Variants in SHPK observed in about 807,000 individuals in gnomAD.
SHPK encodes the protein sedoheptulokinase.
A neutral mutation model predicts 46.3 loss-of-function variants in SHPK; 51 were observed. The observed-to-expected ratio is 1.10, with a 90% CI of 0.88 to 1.39. The LOEUF is 1.39. SHPK is among the 40% of genes most tolerant of loss of function. The pLI, the probability that SHPK is intolerant of heterozygous loss-of-function variation, is 0.00. For synonymous variants in SHPK, 290 were observed against 273.9 expected (o/e 1.06, Z -0.58); for missense variants, 668 against 641.3 (o/e 1.04, Z -0.45).
intron 1 of SHPK, among the ~76,000 whole-genome samples, chr17:3,634,308 A>T (rs1347362213): frequency 2.0e-5 from 3 of 151,672 alleles, no homozygotes; most frequent in Non-Finnish European, 4.4e-5. Flanking sequence ...GGTGGCTCAC[A>T]CCTGTAATCC....
intron 5 of SHPK, among the ~76,000 whole-genome samples, chr17:3,620,650 C>T (rs1379043394): frequency 2.0e-5 from 3 of 151,876 alleles, no homozygotes; most frequent in African/African-American, 7.3e-5. Flanking sequence ...AAACCTCCGC[C>T]TCCCGGGTTC....
intron 5 of SHPK, 45 bp from the exon 6 acceptor site, chr17:3,615,582 A>G (rs1166222248): frequency 6.4e-7 from 1 of 1,558,232 alleles, no homozygotes; most frequent in African/African-American, 1.4e-5. Context: ...GGGCTAACTC[A>G]GAGGTCACAA....
intron 1 of SHPK, among the ~76,000 whole-genome samples, chr17:3,632,915 A>G (rs1022632521): frequency 6.6e-6 from 1 of 151,920 alleles, no homozygotes; most frequent in Admixed American, 6.6e-5. Flanking sequence ...TGGTATAGCT[A>G]ATACTTATGA....
Position 3,630,265 on chromosome 17 carries a change from C to T in SHPK, c.250G>A (p.Val84Ile), listed in dbSNP as rs373376728. 2.8e-5 allele frequency: 45 copies of T among 1,613,840 alleles called. No individual in the cohort carries two copies. Among genetic ancestry groups the T allele is most frequent in the Middle Eastern group, 1.6e-4 (1 of 6,062 alleles). Residue 84 changes from valine to isoleucine, a missense_variant, in exon 2 of 7, where the codon GTC becomes ATC. By Grantham distance (29) the Val-to-Ile change is conservative (BLOSUM62 3). Transcript: ENST00000225519. Reference protein sequence around the residue: ...AALPRPQLRSVVGIGVSGQMH... With the variant: ...AALPRPQLRSIVGIGVSGQMH... ...TGGCCCGACACCCCGATGCCCACGA[C>T]GCTCCGGAGCTGGGGTCGGGGAAGG...
rs2075471665 is a variant in SHPK at position 3,631,512 on chromosome 17, C to CCTTTTTTTTT, written c.169-1167_169-1166insAAAAAAAAAG. On this transcript the variant is annotated intron_variant, in intron 1 of 6. Transcript: ENST00000225519. ...AAAATATACACTATCTAATTTAATG[C>CCTTTTTTTTT]TTTTTTTTTTTTTTTTTTTTTTTTT... Among the ~76,000 whole-genome samples the CCTTTTTTTTT allele has an allele frequency of 5.8e-4, 31 of 53,052 alleles. 2 individuals carry two copies. Among genetic ancestry groups the CCTTTTTTTTT allele is most frequent in the African/African-American group, 2.7e-3 (30 of 11,294 alleles). 34.8% of individuals were successfully genotyped at this position (53,052 alleles called of 152,430 possible). A position where few individuals can be genotyped will look rare whatever the true frequency, so the allele number is the denominator to read the frequency against.
intron 2 of SHPK, among the ~76,000 whole-genome samples, chr17:3,629,849 A>G (rs950016861): frequency 7.9e-5 from 12 of 151,996 alleles, no homozygotes; most frequent in Non-Finnish European, 1.8e-4. Context: ...CTGCAGCTAT[A>G]GCCAGTCTCT....
chr17:3,616,254 G>A (rs1389945895), intron 5 of SHPK, among the ~76,000 whole-genome samples: 1 of 152,144 alleles, frequency 6.6e-6, no homozygotes, highest in Non-Finnish European at 1.5e-5. Flanking sequence ...ACAAGAGACA[G>A]TGTGTGCCTT....
intron 2 of SHPK, among the ~76,000 whole-genome samples, chr17:3,626,781 T>C (rs1206028229): frequency 6.7e-6 from 1 of 149,696 alleles, no homozygotes; most frequent in African/African-American, 2.5e-5. Context: ...TAACAGTTAC[T>C]TGGGAGGGGA....
intron 1 of SHPK, among the ~76,000 whole-genome samples, chr17:3,633,462 C>CA (rs1250785890): frequency 6.6e-6 from 1 of 151,686 alleles, no homozygotes; most frequent in Non-Finnish European, 1.5e-5. Context: ...CCTCACACAA[C>CA]AAAAACTATG....
At position 3,610,901 on chromosome 17, in the gene SHPK, G is replaced by A. The variant is rs761662546; in HGVS notation, c.1096C>T (p.Leu366=). ...CCCAGCACTGTCGGGGTGATGGTCA[G>A]GTGGGTATCTCTCTGCTGCACAGCT... is the stretch of plus-strand genomic sequence containing the variant. ...QAAVQQRDTH[L]TITPTVLGER... Residue 366 remains leucine (L), a synonymous_variant, in exon 7 of 7, where the codon CTG becomes TTG. Transcript: ENST00000225519. 6.2e-7 allele frequency: 1 copy of A among 1,614,020 alleles called. No individual in the cohort carries two copies. The highest frequency in any genetic ancestry group is 1.1e-5 in the South Asian group (1 of 91,078).
intron 4 of SHPK, 56 bp downstream of exon 4, chr17:3,623,283 G>T: frequency 1.3e-6 from 2 of 1,596,362 alleles, no homozygotes; most frequent in Non-Finnish European, 8.6e-7. Flanking sequence ...CACTGGCTCC[G>T]GGGTTGCCCT....
At chr17:3,624,546 C>A (rs1470298179) in intron 2 of SHPK, among the ~76,000 whole-genome samples, 1 of 152,192 alleles carries the variant, frequency 6.6e-6, no homozygotes, top group Non-Finnish European at 1.5e-5. Flanking sequence ...CCCCTGGTCT[C>A]TGTCCCTCCA....
intron 4 of SHPK, 98 bp downstream of exon 4, chr17:3,623,241 A>G: frequency 7.2e-7 from 1 of 1,395,000 alleles, no homozygotes; most frequent in Non-Finnish European, 1.0e-6. Flanking sequence ...GGAACCCTCC[A>G]CCACTCCCAG....
chr17:3,626,961 A>G (rs1025483024), intron 2 of SHPK, among the ~76,000 whole-genome samples: 1 of 152,138 alleles, frequency 6.6e-6, no homozygotes, highest in African/African-American at 2.4e-5. Context: ...GACATTACGG[A>G]ACATTTTGAT....
At chr17:3,629,033 G>C (rs980515935) in intron 2 of SHPK, among the ~76,000 whole-genome samples, 4 of 152,064 alleles carry the variant, frequency 2.6e-5, no homozygotes, top group African/African-American at 7.2e-5. Flanking sequence ...ATTCTGCTGG[G>C]AAGTCTCTCA....
At chr17:3,620,443 T>A (rs537068018) in intron 5 of SHPK, among the ~76,000 whole-genome samples, 11 of 152,076 alleles carry the variant, frequency 7.2e-5, no homozygotes, top group African/African-American at 2.7e-4. Context: ...TCTATTTTTT[T>A]TTTTAATACA....
intron 4 of SHPK, 80 bp downstream of exon 4, chr17:3,623,259 A>C: frequency 2.0e-6 from 3 of 1,517,310 alleles, no homozygotes; most frequent in Non-Finnish European, 2.7e-6. Flanking sequence ...CAGATGGGAA[A>C]GCACCCACTG....
chr17:3,623,275 C>T, intron 4 of SHPK, 64 bp downstream of exon 4: 1 of 1,585,092 alleles, frequency 6.3e-7, no homozygotes, highest in Non-Finnish European at 8.7e-7. Context: ...CACTGAAGCA[C>T]TGGCTCCGGG....
At position 3,624,113 on chromosome 17, in the gene SHPK, C is replaced by T. The variant is rs151048982; in HGVS notation, c.429G>A (p.Pro143=). ...SSEFLASLPQ[P]KSHLSVATGF... Reference sequence around the variant, plus strand: ...CCGTGGCCACACTGAGATGAGACTTCGGCTGGGGCAGAGAGGCCAGGAATT... The same window carrying T: ...CCGTGGCCACACTGAGATGAGACTTTGGCTGGGGCAGAGAGGCCAGGAATT... Residue 143 remains proline, a synonymous_variant, in exon 3 of 7, where the codon CCG becomes CCA. Transcript: ENST00000225519. The T allele has an allele frequency of 1.4e-4, 229 of 1,614,118 alleles. 3 individuals carry two copies. The East Asian group carries it at 2.0e-3, about 14-fold the overall frequency.
Sources: gnomAD v4.1 joint callset for allele counts (sites outside exome capture counted in the v4.1 genomes callset) on GRCh38, gnomAD v4.1.1 for gene constraint, MANE v1.5 for transcripts, NCBI Gene and HGNC (gene_info 2026-07-23, HGNC 2026-07-21) for gene names.